DMD: variants seen among roughly 807,000 people sequenced by gnomAD.
DMD encodes the protein mutant dystrophin.
In DMD, 63 loss-of-function variants were observed where a neutral mutation model predicts 330.1. The ratio of observed to expected loss-of-function variants is 0.19; its 90% CI spans 0.16 to 0.24. The LOEUF (loss-of-function observed/expected upper bound fraction) is 0.24, where lower values mean the gene tolerates loss of function less well. Among genes scored for constraint, DMD ranks in the 10% least tolerant of loss-of-function variants. DMD has a pLI of 1.00. For synonymous variants in DMD, 1,223 were observed against 959.8 expected (o/e 1.27, Z -5.07); for missense variants, 3,344 against 2,684.1 (o/e 1.25, Z -5.43).
intron 63 of DMD, among the ~76,000 whole-genome samples, chrX:31,230,158 C>T (rs1465262671): frequency 8.9e-6 from 1 of 111,836 alleles, no homozygotes; most frequent in Non-Finnish European, 1.9e-5. Context: ...CTCGTAAAAA[C>T]CTCATCATCA....
At chrX:31,558,748 T>C (rs1443539216) in intron 55 of DMD, among the ~76,000 whole-genome samples, 1 of 111,456 alleles carries the variant, frequency 9.0e-6, no homozygotes, top group East Asian at 2.8e-4. Flanking sequence ...AGCCAAATTA[T>C]CTTTCACTTT....
intron 7 of DMD, among the ~76,000 whole-genome samples, chrX:32,712,400 C>G (rs2065271159): frequency 9.0e-6 from 1 of 111,375 alleles, no homozygotes; most frequent in Admixed American, 9.6e-5. Context: ...TACTATATAT[C>G]TAATTCTTAA....
At chrX:32,504,418 G>A (rs781086695) in intron 18 of DMD, among the ~76,000 whole-genome samples, 3 of 110,978 alleles carry the variant, frequency 2.7e-5, no homozygotes, top group Non-Finnish European at 5.7e-5. Context: ...GAGGTCGGGA[G>A]TTCGAGACCA....
rs1415444937 is a variant in DMD, at chrX:31,186,081, A to G, written c.9808-3177T>C. Among the ~76,000 whole-genome samples, 24 of 112,063 alleles carry G rather than the reference A, an allele frequency of 2.1e-4. No individual in the cohort carries two copies. In the Admixed American group the frequency reaches 2.3e-3, roughly 11 times the overall value. The stretch of plus-strand genomic sequence containing the variant: ...GCAGGAGGGTTTAGACTGACAGGTC[A>G]TTTGGCTTATAACACTGATCACCTC... On this transcript the variant is annotated intron_variant, in intron 67 of 78. Transcript: ENST00000357033.
At chrX:31,432,178 A>G (rs2064139709) in intron 60 of DMD, among the ~76,000 whole-genome samples, 1 of 111,998 alleles carries the variant, frequency 8.9e-6, no homozygotes, top group Admixed American at 9.5e-5. Flanking sequence ...CTTTGAAAGT[A>G]CCCTTTCTAT....
intron 6 of DMD, among the ~76,000 whole-genome samples, chrX:32,811,232 C>A (rs7891742): frequency 0.058 from 6,242 of 107,674 alleles, 429 homozygotes; most frequent in African/African-American, 0.19. Flanking sequence ...GTGGTCCCAG[C>A]TACTCAGGAG....
intron 43 of DMD, among the ~76,000 whole-genome samples, chrX:32,261,124 T>C (rs1304060651): frequency 8.9e-6 from 1 of 112,131 alleles, no homozygotes; most frequent in Non-Finnish European, 1.9e-5. Flanking sequence ...TGCCTTTTAA[T>C]GTTCCTTGCA....
chrX:32,866,818 C>A (rs1033406183), intron 2 of DMD, among the ~76,000 whole-genome samples: 101 of 109,129 alleles, frequency 9.3e-4, no homozygotes, highest in Admixed American at 3.2e-3. Context: ...ACTGCAACCT[C>A]CGTCTCCCAG....
chrX:32,075,595 C>G (rs963666641), intron 44 of DMD, among the ~76,000 whole-genome samples: 3 of 111,654 alleles, frequency 2.7e-5, no homozygotes, highest in African/African-American at 9.8e-5. Flanking sequence ...CAAGTTCCTA[C>G]AGATTCTCAA....
chrX:32,697,839 T>G (rs767708339), intron 9 of DMD, 31 bp downstream of exon 9: 1 of 1,209,539 alleles, frequency 8.3e-7, no homozygotes, highest in Non-Finnish European at 1.1e-6. Context: ...AGTTCTCTGG[T>G]TTGTACAACA....
At chrX:32,332,382 A>G (rs1016497898) in intron 41 of DMD, among the ~76,000 whole-genome samples, 1 of 105,023 alleles carries the variant, frequency 9.5e-6, no homozygotes, top group Non-Finnish European at 1.9e-5. Context: ...CACTTTATTG[A>G]GAAAAATAAA....
At chrX:31,709,820 C>T (rs1028045650) in intron 52 of DMD, among the ~76,000 whole-genome samples, 4 of 111,370 alleles carry the variant, frequency 3.6e-5, no homozygotes, top group Non-Finnish European at 7.5e-5. Flanking sequence ...TGTCTATGCA[C>T]TTATCTGTAT....
chrX:32,002,572 T>C (rs1214596517), intron 44 of DMD, among the ~76,000 whole-genome samples: 1 of 111,574 alleles, frequency 9.0e-6, no homozygotes, highest in Non-Finnish European at 1.9e-5. Context: ...TCTCTCACAT[T>C]CTAGTCTATA....
At chrX:33,196,534 G>A (rs756968878) in intron 1 of DMD, among the ~76,000 whole-genome samples, 1 of 111,952 alleles carries the variant, frequency 8.9e-6, no homozygotes, top group East Asian at 2.8e-4. Flanking sequence ...CATAAAATCA[G>A]AGGTAGTCTT....
At chrX:31,151,555 A>G (rs755346487) in intron 74 of DMD, among the ~76,000 whole-genome samples, 5 of 112,243 alleles carry the variant, frequency 4.5e-5, no homozygotes, top group South Asian at 7.4e-4. Context: ...TGATTTATTT[A>G]TAAGGACCCT....
chrX:32,103,569 G>GTAATGACTAC (rs2096550269), intron 44 of DMD, among the ~76,000 whole-genome samples: 1 of 112,024 alleles, frequency 8.9e-6, no homozygotes, highest in Non-Finnish European at 1.9e-5. Context: ...TGAAGTGCCT[G>GTAATGACTAC]TAATGACTAC....
intron 30 of DMD, among the ~76,000 whole-genome samples, chrX:32,394,088 T>C (rs1396669581): frequency 9.5e-6 from 1 of 105,782 alleles, no homozygotes; most frequent in Non-Finnish European, 1.9e-5. Flanking sequence ...ACTTTAAGGC[T>C]ACATGAAAGA....
intron 55 of DMD, among the ~76,000 whole-genome samples, chrX:31,549,726 A>T (rs1386409081): frequency 8.9e-6 from 1 of 112,608 alleles, no homozygotes; most frequent in Admixed American, 9.4e-5. Flanking sequence ...TGATTTTAAG[A>T]CAACCTAAAT....
chrX:31,725,931 G>A (rs1002227848), intron 52 of DMD, among the ~76,000 whole-genome samples: 1 of 112,369 alleles, frequency 8.9e-6, no homozygotes, highest in African/African-American at 3.2e-5. Flanking sequence ...ACACGAACAA[G>A]AGTTTCATGT....
Sources: allele counts gnomAD v4.1 joint callset (sites outside exome capture counted in the v4.1 genomes callset), GRCh38; gene constraint gnomAD v4.1.1; transcripts MANE v1.5; gene names NCBI Gene and HGNC (gene_info 2026-07-23, HGNC 2026-07-21).